The following CCNH variants were observed in gnomAD, a reference collection of about 807,000 sequenced individuals.
CCNH encodes the protein cyclin H, also known as cyclin-H.
A neutral mutation model predicts 41.9 loss-of-function variants in CCNH; 31 were observed. The ratio of observed to expected loss-of-function variants is 0.74; its 90% CI spans 0.56 to 1.00. CCNH has a LOEUF of 1.00. CCNH is among the 50% of genes least tolerant of loss of function. CCNH has a pLI of 0.00. For missense variants in CCNH, 362 were observed against 388.4 expected (o/e 0.93, Z 0.57); for synonymous variants, 138 against 136.1 (o/e 1.01, Z -0.10).
intron 5 of CCNH, among the ~76,000 whole-genome samples, chr5:87,402,102 T>C (rs1429650589): frequency 6.6e-6 from 1 of 152,210 alleles, no homozygotes; most frequent in African/African-American, 2.4e-5. Flanking sequence ...ATGAGGAATC[T>C]GAGTTACAGG....
chr5:87,394,882 T>C (rs1467398942), intron 8 of CCNH, 162 bp downstream of exon 8: 2 of 1,415,606 alleles, frequency 1.4e-6, no homozygotes, highest in Admixed American at 6.2e-5. Context: ...AAAAATCCCT[T>C]TAATAATGGA....
downstream of CCNH, among the ~76,000 whole-genome samples, chr5:87,388,958 T>C (rs1036309152): frequency 2.0e-5 from 3 of 152,160 alleles, no homozygotes; most frequent in Non-Finnish European, 4.4e-5. Context: ...GCAATAATAT[T>C]GTACACATCT....
At chr5:87,353,011 TC>T in intron 9 of CCNH, 1 of 636,364 alleles carries the variant, frequency 1.6e-6, no homozygotes, top group Non-Finnish European at 2.8e-6. Flanking sequence ...AATGTTATGA[TC>T]ATTTATTCTA....
chr5:87,346,797 G>T, intron 9 of CCNH: 1 of 1,210,044 alleles, frequency 8.3e-7, no homozygotes, highest in East Asian at 2.4e-5. Flanking sequence ...CATTTATCAT[G>T]TGTTTTGCCT....
rs192847594 is a variant in CCNH, at chr5:87,395,379, C to T, written c.873-275G>A. Among the ~76,000 whole-genome samples the T allele has an allele frequency of 3.2e-4, 48 of 151,038 alleles. No individual in the cohort carries two copies. In the Middle Eastern group the frequency reaches 0.017, roughly 54 times the overall value. On this transcript the variant is annotated intron_variant, in intron 7 of 8. Transcript: ENST00000256897. The stretch of plus-strand genomic sequence containing the variant: ...AGGAAAGAGTGTGAAAAAATAGGAG[C>T]GAATATAAAAAAGAACAGTGTTGGA...
intron 8 of CCNH, chr5:87,394,782 A>T: frequency 7.5e-7 from 1 of 1,342,170 alleles, no homozygotes. Flanking sequence ...GGAGAATAAG[A>T]AAAAAAGCAA....
intron 7 of CCNH, among the ~76,000 whole-genome samples, chr5:87,396,903 AAAC>A (rs1202036119): frequency 1.3e-4 from 20 of 152,350 alleles, no homozygotes; most frequent in Admixed American, 1.1e-3. Flanking sequence ...TGGCAAAGGT[AAAC>A]AACTGCTAAG....
intron 9 of CCNH, among the ~76,000 whole-genome samples, chr5:87,346,097 C>T (rs1474989245): frequency 6.6e-6 from 1 of 152,016 alleles, no homozygotes; most frequent in Non-Finnish European, 1.5e-5. Flanking sequence ...ATATAAAATA[C>T]ATAGCAACCT....
rs1763929050 is a variant in CCNH at position 87,408,057 on chromosome 5, T to C, written c.444A>G (p.Leu148=). 1 of 1,613,534 alleles carries C rather than the reference T, an allele frequency of 6.2e-7. No individual in the cohort carries two copies. The highest frequency in any genetic ancestry group is 8.5e-7 in the Non-Finnish European group (1 of 1,179,468). Reference sequence around the variant, plus strand: ...GGAAATTAAGTTGCTGTATAAGAAGTAGTTCATATTCCAGTATCTGTTCAA... The same window carrying C: ...GGAAATTAAGTTGCTGTATAAGAAGCAGTTCATATTCCAGTATCTGTTCAA... ...KALEQILEYE[L]LLIQQLNFHL... Residue 148 remains leucine, a synonymous_variant, in exon 4 of 9, where the codon CTA becomes CTG. Coordinates refer to ENST00000256897, the MANE Select transcript of CCNH (RefSeq NM_001239.4).
At chr5:87,372,904 A>C (rs1475428133), downstream of CCNH, among the ~76,000 whole-genome samples, 3 of 152,114 alleles carry the variant, frequency 2.0e-5, no homozygotes, top group African/African-American at 7.2e-5. Flanking sequence ...TTCTACTGGG[A>C]GTGGATAATG....
chr5:87,318,076 G>A (rs1756485735), downstream of CCNH, among the ~76,000 whole-genome samples: 1 of 152,014 alleles, frequency 6.6e-6, no homozygotes, highest in Non-Finnish European at 1.5e-5. Flanking sequence ...CCATTAGGTT[G>A]AGATTCATTG....
At chr5:87,380,399 G>C (rs1291595041), upstream of CCNH, 3 of 1,003,138 alleles carry the variant, frequency 3.0e-6, no homozygotes, top group African/African-American at 4.8e-5. Context: ...TTGGGTAAAA[G>C]GCCAGTTTTA....
chr5:87,380,677 TCAA>T, upstream of CCNH: 1 of 1,256,958 alleles, frequency 8.0e-7, no homozygotes, highest in Non-Finnish European at 1.2e-6. Flanking sequence ...AATATACAAT[TCAA>T]TGCTTTTTTC....
downstream of CCNH, chr5:87,374,180 A>G: frequency 3.2e-6 from 5 of 1,538,998 alleles, no homozygotes; most frequent in Non-Finnish European, 4.4e-6. Context: ...GCCTTGTTTT[A>G]CATATTGAAG....
At chr5:87,315,793 T>G (rs894071914), downstream of CCNH, among the ~76,000 whole-genome samples, 5 of 152,314 alleles carry the variant, frequency 3.3e-5, no homozygotes, top group Admixed American at 6.5e-5. Context: ...GATTAAATAC[T>G]TCCTAGGAAT....
At chr5:87,316,901 GAGAA>G (rs1340682862), downstream of CCNH, among the ~76,000 whole-genome samples, 1 of 149,910 alleles carries the variant, frequency 6.7e-6, no homozygotes, top group African/African-American at 2.4e-5. Context: ...TTTTTTTTTG[GAGAA>G]AGAGTCTTGC....
intron 7 of CCNH, among the ~76,000 whole-genome samples, chr5:87,397,897 A>C (rs1275635455): frequency 1.3e-5 from 2 of 152,236 alleles, no homozygotes; most frequent in East Asian, 1.9e-4. Flanking sequence ...GTATCATGAA[A>C]ATAGCCATAG....
At chr5:87,344,710 G>A (rs966958629) in intron 9 of CCNH, among the ~76,000 whole-genome samples, 4 of 145,278 alleles carry the variant, frequency 2.8e-5, no homozygotes, top group Non-Finnish European at 6.0e-5. Flanking sequence ...GTAAAGATGA[G>A]GTCTTACTAT....
intron 9 of CCNH, among the ~76,000 whole-genome samples, chr5:87,341,603 C>T (rs1345864490): frequency 2.0e-5 from 3 of 152,028 alleles, no homozygotes; most frequent in African/African-American, 7.2e-5. Context: ...CACAATTTGG[C>T]ACATTTTAAA....
Sources: gnomAD v4.1 joint callset for allele counts (sites outside exome capture counted in the v4.1 genomes callset) on GRCh38, gnomAD v4.1.1 for gene constraint, MANE v1.5 for transcripts, NCBI Gene and HGNC (gene_info 2026-07-23, HGNC 2026-07-21) for gene names.